The following ZSCAN32 variants were observed in gnomAD, a reference collection of about 807,000 sequenced individuals.
The protein encoded by ZSCAN32 is zinc finger and SCAN domain containing 32.
A neutral mutation model predicts 47.4 loss-of-function variants in ZSCAN32; 52 were observed. The ratio of observed to expected loss-of-function variants is 1.10; its 90% CI spans 0.88 to 1.38. The LOEUF (loss-of-function observed/expected upper bound fraction) is 1.38, where lower values mean the gene tolerates loss of function less well. ZSCAN32 is among the 40% of genes most tolerant of loss of function. ZSCAN32 has a pLI of 0.00. For synonymous variants in ZSCAN32, 346 were observed against 305.7 expected, an observed-to-expected ratio of 1.13 and a Z score of -1.38; for missense variants, 959 against 846.0, an observed-to-expected ratio of 1.13 and a Z score of -1.66.
At chr16:3,390,691 G>A (rs928037054) in intron 3 of ZSCAN32, among the ~76,000 whole-genome samples, 174 bp from the exon 4 acceptor site, 1 of 152,126 alleles carries the variant, frequency 6.6e-6, no homozygotes, top group Admixed American at 6.5e-5. Context: ...TGGAGGTGGG[G>A]CCTAGGACTC....
chr16:3,399,523 T>C (rs898814903), intron 1 of ZSCAN32, among the ~76,000 whole-genome samples: 1 of 152,196 alleles, frequency 6.6e-6, no homozygotes, highest in African/African-American at 2.4e-5. Context: ...CAAGGCCAGT[T>C]TATGTAAGGC....
chr16:3,383,283 C>A lies in ZSCAN32; in HGVS notation c.1663G>T (p.Gly555Trp). The change falls in exon 7 of 7, where the codon GGG becomes TGG. Residue 555 changes from glycine (G) to tryptophan (W), a missense_variant. Transcript: ENST00000396852. The part of the protein sequence containing the change: ...GEKPHKCSEC[G>W]KGFSERSNLT... ...TTGGAGCGCTCACTAAAGCCCTTCC[C>A]GCACTCACTGCACTTGTGAGGCTTC... is the stretch of plus-strand genomic sequence containing the variant. 1 of 1,614,184 alleles carries A rather than the reference C, an allele frequency of 6.2e-7. No homozygotes were observed. Among genetic ancestry groups the A allele is most frequent in the Non-Finnish European group, 8.5e-7 (1 of 1,180,036 alleles).
intron 5 of ZSCAN32, among the ~76,000 whole-genome samples, chr16:3,386,847 C>A (rs1005882663): frequency 1.3e-5 from 2 of 150,972 alleles, no homozygotes; most frequent in African/African-American, 4.9e-5. Flanking sequence ...TGTTAAATGA[C>A]GAGTTCATGG....
At chr16:3,393,055 TAAA>T (rs893913788) in intron 3 of ZSCAN32, among the ~76,000 whole-genome samples, 1 of 145,016 alleles carries the variant, frequency 6.9e-6, no homozygotes, top group Non-Finnish European at 1.5e-5. Flanking sequence ...AGAATTGTAA[TAAA>T]AAAGAATTAT....
chr16:3,394,542 A>C (rs746432842), intron 2 of ZSCAN32, among the ~76,000 whole-genome samples: 28 of 152,014 alleles, frequency 1.8e-4, no homozygotes, highest in Non-Finnish European at 3.2e-4. Flanking sequence ...TGCTGTCTGC[A>C]TCCTCTCTAC....
chr16:3,384,859 C>G lies in ZSCAN32; in HGVS notation c.834G>C (p.Gln278His). Residue 278 changes from glutamine to histidine, a missense_variant, in exon 6 of 7, where the codon CAG becomes CAC. By Grantham distance (24) the Gln-to-His change is conservative (BLOSUM62 0). Transcript: ENST00000396852. ...AGATCTGGCTGTTCTGCTGACAGGT[C>G]TGGAGTTTTCCATAAAATTGAGAAC... ...LSSSQFYGKL[Q>H]TCQQNSQIYR... The G allele has an allele frequency of 6.2e-7, 1 of 1,614,122 alleles. No homozygotes were observed. The highest frequency in any genetic ancestry group is 8.5e-7 in the Non-Finnish European group (1 of 1,180,016).
At chr16:3,385,576 G>A (rs1191473122) in intron 5 of ZSCAN32, among the ~76,000 whole-genome samples, 2 of 152,154 alleles carry the variant, frequency 1.3e-5, no homozygotes, top group African/African-American at 4.8e-5. Context: ...AAACAGCATG[G>A]TACTGGTACA....
At chr16:3,398,830 C>T (rs2033615553) in intron 1 of ZSCAN32, among the ~76,000 whole-genome samples, 4 of 152,188 alleles carry the variant, frequency 2.6e-5, no homozygotes, top group African/African-American at 9.6e-5. Flanking sequence ...ACTCCACACA[C>T]ACACAACGTG....
At position 3,384,510 on chromosome 16, in the gene ZSCAN32, C is replaced by A; in HGVS notation, c.1183G>T (p.Gly395Cys). ...DRDEKDFRNP[G>C]QEVRKLDLPV... ...AGGTCTAGTTTCCTGACTTCCTGGC[C>A]AGGATTCCTGAAGTCCTTTTCATCC... The change falls in exon 6 of 7, where the codon GGC (glycine) becomes TGC (cysteine). Residue 395 changes from glycine to cysteine, a missense_variant. Transcript: ENST00000396852. The A allele has an allele frequency of 6.2e-7, 1 of 1,614,116 alleles. No individual in the cohort carries two copies. Among genetic ancestry groups the A allele is most frequent in the Non-Finnish European group, 8.5e-7 (1 of 1,180,024 alleles).
chr16:3,395,917 G>A (rs1400047714), intron 2 of ZSCAN32, among the ~76,000 whole-genome samples: 1 of 152,184 alleles, frequency 6.6e-6, no homozygotes, highest in African/African-American at 2.4e-5. Flanking sequence ...AGGATCGCTT[G>A]AACCCAGGAG....
chr16:3,383,223 T>G lies in ZSCAN32; in HGVS notation c.1723A>C (p.Arg575=). The G allele has an allele frequency of 6.2e-7, 1 of 1,614,104 alleles. No individual in the cohort carries two copies. ...CCACATTGCCCACACTGATAGGGCCTCTCCCCTGTGTGAGTTCGTAGGTGG... is the reference window on the plus strand; with the variant it reads ...CCACATTGCCCACACTGATAGGGCCGCTCCCCTGTGTGAGTTCGTAGGTGG... ...TAHLRTHTGE[R]PYQCGQCGKS... Residue 575 remains arginine (R), a synonymous_variant, in exon 7 of 7, where the codon AGG becomes CGG. Coordinates refer to ENST00000396852, the MANE Select transcript of ZSCAN32 (RefSeq NM_001284527.2).
Position 3,397,647 on chromosome 16 carries a change from C to A in ZSCAN32, c.-90G>T. The A allele has an allele frequency of 7.0e-7, 1 of 1,419,204 alleles. No homozygotes were observed. Among genetic ancestry groups the A allele is most frequent in the African/African-American group, 1.4e-5 (1 of 69,390 alleles). 87.9% of individuals were successfully genotyped at this position (1,419,204 alleles called of 1,614,324 possible). ...CCACATCACTGGGAAGCCATGTTCT[C>A]CTGCAAGGAATGTCTTTCTGTAATC... On this transcript the variant is annotated 5_prime_UTR_variant, in exon 2 of 7. Coordinates refer to ENST00000396852, the MANE Select transcript of ZSCAN32 (RefSeq NM_001284527.2).
rs914987650 is a variant in ZSCAN32, at chr16:3,382,656, A to G, written c.*196T>C. 3.0e-6 allele frequency: 2 copies of G among 662,330 alleles called. No individual in the cohort carries two copies. Among genetic ancestry groups the G allele is most frequent in the African/African-American group, 3.6e-5 (2 of 55,040 alleles). The allele number at this position is 662,330 out of a possible 1,614,324, so 41.0% of individuals were successfully genotyped here. A position where few individuals can be genotyped will look rare whatever the true frequency, so the allele number is the denominator to read the frequency against. ...CCATCAAACTTTAAGTCACAGTAAG[A>G]TAGGACTCTGGAGTCACAGGCACAG... On this transcript the variant is annotated 3_prime_UTR_variant, in exon 7 of 7. Transcript: ENST00000396852.
In ZSCAN32 at chr16:3,390,405, G is replaced by A; in HGVS notation, c.627+18C>T. ...AGAGTGGGTACTCAAGAGACAGAAGGCATCAACCACAGCTCACCTGGGACC... is the reference window on the plus strand; with the variant it reads ...AGAGTGGGTACTCAAGAGACAGAAGACATCAACCACAGCTCACCTGGGACC... On this transcript the variant is annotated intron_variant, in intron 4 of 6. Coordinates refer to ENST00000396852, the MANE Select transcript of ZSCAN32 (RefSeq NM_001284527.2). 6.5e-7 allele frequency: 1 copy of A among 1,540,878 alleles called. No homozygotes were observed. Among genetic ancestry groups the A allele is most frequent in the Non-Finnish European group, 8.8e-7 (1 of 1,140,646 alleles).
At position 3,391,697 on chromosome 16, in the gene ZSCAN32, A is replaced by AAC. The variant is rs767841047; in HGVS notation, c.533-1181_533-1180insGT. Reference sequence around the variant, plus strand: ...TCCATCTCAAAAAAAAAAAAAAAAAACAAAATACTAAAATCTCTTAGACAA... The same window carrying AAC: ...TCCATCTCAAAAAAAAAAAAAAAAAAACCAAAATACTAAAATCTCTTAGACAA... On this transcript the variant is annotated intron_variant, in intron 3 of 6. Coordinates refer to ENST00000396852, the MANE Select transcript of ZSCAN32 (RefSeq NM_001284527.2). 2.1e-3 allele frequency among the ~76,000 whole-genome samples: 300 copies of AAC among 143,600 alleles called. 14 individuals are homozygous for AAC. The highest frequency in any genetic ancestry group is 3.7e-3 in the Middle Eastern group (1 of 270). 94.2% of individuals were successfully genotyped at this position (143,600 alleles called of 152,430 possible).
In ZSCAN32 at chr16:3,397,299, T is replaced by A; in HGVS notation, c.259A>T (p.Thr87Ser). 1 of 1,572,328 alleles carries A rather than the reference T, an allele frequency of 6.4e-7. No homozygotes were observed. The highest frequency in any genetic ancestry group is 8.6e-7 in the Non-Finnish European group (1 of 1,158,774). The change falls in exon 2 of 7, where the codon ACT (threonine) becomes TCT (serine). Residue 87 changes from threonine (T) to serine (S), a missense_variant. Physicochemically the swap from Thr to Ser is moderately conservative, Grantham distance 58. Transcript: ENST00000396852. ...GTCTGGATCTCCTCTGGCAAGATAG[T>A]CAGAAACTGCTCCAAAACCAGCAGC... is the stretch of plus-strand genomic sequence containing the variant. ...LELLVLEQFLTILPEEIQTWV... is the reference protein window; with the variant it reads ...LELLVLEQFLSILPEEIQTWV...
At chr16:3,387,835 G>T (rs868856823) in intron 5 of ZSCAN32, among the ~76,000 whole-genome samples, 4 of 152,202 alleles carry the variant, frequency 2.6e-5, no homozygotes, top group Non-Finnish European at 5.9e-5. Context: ...CTGCCTTCAA[G>T]GAGGTCACAG....
chr16:3,387,313 A>G (rs924837996), intron 5 of ZSCAN32, among the ~76,000 whole-genome samples: 14 of 152,208 alleles, frequency 9.2e-5, no homozygotes. Context: ...GTAACGATAT[A>G]TCTGCCTGTT....
rs537182061 is a variant in ZSCAN32 at position 3,384,643 on chromosome 16, G to T, written c.1050C>A (p.Ser350Arg). 1.9e-6 allele frequency: 3 copies of T among 1,613,972 alleles called. No homozygotes were observed. The highest frequency in any genetic ancestry group is 2.7e-5 in the African/African-American group (2 of 74,882). The change falls in exon 6 of 7, where the codon AGC becomes AGA. Residue 350 changes from serine (S) to arginine (R), a missense_variant. Physicochemically the swap from Ser to Arg is moderately radical, Grantham distance 110. Transcript: ENST00000396852. ...GSWASAPPMA[S>R]DAVPGQEGSD... ...TTCCTTCTTGGCCAGGAACAGCATC[G>T]CTTGCCATAGGAGGTGCAGAGGCCC... is the stretch of plus-strand genomic sequence containing the variant.
Sources: gnomAD v4.1 joint callset for allele counts (sites outside exome capture counted in the v4.1 genomes callset) on GRCh38, gnomAD v4.1.1 for gene constraint, MANE v1.5 for transcripts, NCBI Gene and HGNC (gene_info 2026-07-23, HGNC 2026-07-21) for gene names.